The following KIAA1217 variants were observed in gnomAD, a reference collection of about 807,000 sequenced individuals.
KIAA1217 encodes the protein sickle tail protein homolog.
Under a neutral mutation model 163.9 loss-of-function variants are expected in KIAA1217, and 88 were observed. That is an observed-to-expected ratio of 0.54 (90% confidence interval 0.45 to 0.64). The LOEUF (loss-of-function observed/expected upper bound fraction) is 0.64. Among genes scored for constraint, KIAA1217 ranks in the 30% least tolerant of loss-of-function variants. The pLI, the probability that KIAA1217 is intolerant of heterozygous loss-of-function variation, is 0.00. For synonymous variants in KIAA1217, 903 were observed against 923.1 expected (o/e 0.98, Z 0.39); for missense variants, 2,372 against 2,475.0 (o/e 0.96, Z 0.88).
rs1318502993 is a variant in KIAA1217, at chr10:24,497,769, T to C, written c.1834+2573T>C. ...CCTGACTGGCTGATAATTGAGTAGA[T>C]AGTGGTGCCACTGGCTACAATTAGG... is the stretch of plus-strand genomic sequence containing the variant. On this transcript the variant is annotated intron_variant, in intron 8 of 20. Coordinates refer to ENST00000376454, the MANE Select transcript of KIAA1217 (RefSeq NM_019590.5). 9.7e-5 allele frequency among the ~76,000 whole-genome samples: 14 copies of C among 144,068 alleles called. No homozygotes were observed. The East Asian group carries it at 2.4e-3, about 25-fold the overall frequency. The allele number at this position is 144,068 out of a possible 152,430, so 94.5% of individuals were successfully genotyped here.
chr10:24,489,887 G>T (rs952962267), intron 6 of KIAA1217, among the ~76,000 whole-genome samples: 30 of 132,384 alleles, frequency 2.3e-4, no homozygotes, highest in Non-Finnish European at 3.7e-4. Flanking sequence ...AAAAAAAAAG[G>T]TTCTATAAAT....
chr10:24,436,290 A>G (rs539379819), intron 4 of KIAA1217, among the ~76,000 whole-genome samples: 26 of 152,334 alleles, frequency 1.7e-4, no homozygotes, highest in Admixed American at 1.4e-3. Context: ...GAACCTAAAA[A>G]TGTTCAAATG....
intron 1 of KIAA1217, among the ~76,000 whole-genome samples, chr10:23,843,904 T>C (rs1409217962): frequency 6.6e-6 from 1 of 152,152 alleles, no homozygotes; most frequent in East Asian, 1.9e-4. Context: ...TAAATAACCT[T>C]TGATTTAATT....
At chr10:24,360,577 G>A (rs2049840293) in intron 2 of KIAA1217, among the ~76,000 whole-genome samples, 1 of 152,162 alleles carries the variant, frequency 6.6e-6, no homozygotes, top group Non-Finnish European at 1.5e-5. Context: ...CCATTTGGGG[G>A]CATTTGGAGA....
At chr10:23,886,502 G>A (rs569491160) in intron 1 of KIAA1217, among the ~76,000 whole-genome samples, 4 of 151,982 alleles carry the variant, frequency 2.6e-5, no homozygotes, top group Non-Finnish European at 5.9e-5. Context: ...TTTCAGATTA[G>A]GGTATCAGAC....
At chr10:24,332,980 C>T (rs1024187265) in intron 2 of KIAA1217, among the ~76,000 whole-genome samples, 2 of 152,008 alleles carry the variant, frequency 1.3e-5, no homozygotes, top group Middle Eastern at 3.2e-3. Context: ...TAGAAGGTCA[C>T]GTGAAAGGTA....
intron 14 of KIAA1217, among the ~76,000 whole-genome samples, chr10:24,528,464 G>T (rs1181343528): frequency 1.3e-5 from 2 of 151,970 alleles, no homozygotes; most frequent in Non-Finnish European, 2.9e-5. Flanking sequence ...AGCTAGGGCT[G>T]TAGATGTGTA....
rs140228816 is a variant in KIAA1217 at position 23,803,597 on chromosome 10, A to G, written c.-321+108363A>G. Among the ~76,000 whole-genome samples the G allele has an allele frequency of 1.6e-4, 24 of 152,290 alleles. No homozygotes were observed. In the East Asian group the frequency reaches 4.6e-3, roughly 29 times the overall value. On this transcript the variant is annotated intron_variant, in intron 1 of 18. Coordinates refer to the KIAA1217 transcript ENST00000376462. ...GAGTCCTGCTCCCAAGGCACTCCCCAGTGAACATCGTGCAGATGCATTTTG... is the reference window on the plus strand; with the variant it reads ...GAGTCCTGCTCCCAAGGCACTCCCCGGTGAACATCGTGCAGATGCATTTTG...
In KIAA1217 at chr10:24,542,875, C is replaced by T. The variant is rs781764760; in HGVS notation, c.3613-8C>T. 7 of 1,609,696 alleles carry T rather than the reference C, an allele frequency of 4.3e-6. No homozygotes were observed. Among genetic ancestry groups the T allele is most frequent in the Non-Finnish European group, 5.9e-6 (7 of 1,177,428 alleles). ...TGTGTGGTTTCCCTCCTCCGTTCTC[C>T]CTCTCAGGTTACCACAGGGGCTGTA... is the stretch of plus-strand genomic sequence containing the variant. On this transcript the variant is annotated splice_region_variant and splice_polypyrimidine_tract_variant and intron_variant, in intron 18 of 20. Transcript: ENST00000376454.
intron 1 of KIAA1217, among the ~76,000 whole-genome samples, chr10:23,811,303 G>T (rs1837038783): frequency 6.8e-6 from 1 of 146,140 alleles, no homozygotes; most frequent in Non-Finnish European, 1.5e-5. Context: ...TATAGTATGT[G>T]TATATATTAT....
chr10:24,135,497 G>A (rs559762169), intron 2 of KIAA1217, among the ~76,000 whole-genome samples: 1 of 152,056 alleles, frequency 6.6e-6, no homozygotes, highest in South Asian at 2.1e-4. Context: ...GCTCAGGGAG[G>A]CAGAAATAAA....
chr10:24,328,002 C>T (rs536193432), intron 2 of KIAA1217, among the ~76,000 whole-genome samples: 1 of 152,292 alleles, frequency 6.6e-6, no homozygotes, highest in African/African-American at 2.4e-5. Context: ...TTCATGTCAT[C>T]TCTGTGTCTG....
At chr10:23,853,249 T>G (rs1839451856) in intron 1 of KIAA1217, among the ~76,000 whole-genome samples, 1 of 152,226 alleles carries the variant, frequency 6.6e-6, no homozygotes. Context: ...GTCAAAGGCC[T>G]TTTGTGCATC....
intron 1 of KIAA1217, among the ~76,000 whole-genome samples, chr10:23,975,905 A>G (rs1003235463): frequency 1.3e-5 from 2 of 152,058 alleles, no homozygotes; most frequent in African/African-American, 4.8e-5. Flanking sequence ...TTTTTGATCC[A>G]TTGCACCCAT....
At chr10:23,918,150 CTT>C (rs559699322) in intron 1 of KIAA1217, among the ~76,000 whole-genome samples, 3,785 of 115,750 alleles carry the variant, frequency 0.033, 188 homozygotes, top group African/African-American at 0.11. Context: ...GTAGCTGGGA[CTT>C]TTTTTTTTTT....
intron 2 of KIAA1217, among the ~76,000 whole-genome samples, chr10:24,155,137 C>T (rs894265301): frequency 5.3e-5 from 8 of 152,154 alleles, no homozygotes; most frequent in Non-Finnish European, 7.3e-5. Flanking sequence ...ATAAATGTTA[C>T]GGTATATGTA....
Position 24,521,839 on chromosome 10 carries a change from C to T in KIAA1217, c.2366C>T (p.Ala789Val). Residue 789 changes from alanine (A) to valine (V), a missense_variant, in exon 12 of 21, where the codon GCC becomes GTC. Coordinates refer to ENST00000376454, the MANE Select transcript of KIAA1217 (RefSeq NM_019590.5). ...GCCATCCTGCGCATAGAAGTGGAGG[C>T]CGTGCGGTTTCTGAAGGAGGAGCCA... ...MRAILRIEVEAVRFLKEEPHK... is the reference protein window; with the variant it reads ...MRAILRIEVEVVRFLKEEPHK... 1 of 1,613,844 alleles carries T rather than the reference C, an allele frequency of 6.2e-7. No homozygotes were observed. The highest frequency in any genetic ancestry group is 1.1e-5 in the South Asian group (1 of 91,070).
intron 2 of KIAA1217, among the ~76,000 whole-genome samples, chr10:24,196,663 G>C (rs2067004402): frequency 6.6e-6 from 1 of 152,168 alleles, no homozygotes; most frequent in Admixed American, 6.5e-5. Context: ...CGTTCCTGCT[G>C]GTGACAGTTG....
At position 23,751,826 on chromosome 10, in the gene KIAA1217, C is replaced by T. The variant is rs12249059; in HGVS notation, c.-321+56592C>T. On this transcript the variant is annotated intron_variant, in intron 1 of 18. Coordinates refer to the KIAA1217 transcript ENST00000376462. The stretch of plus-strand genomic sequence containing the variant: ...GAAGATATTTGTGACTAATTACAAG[C>T]AGTGTAACCTGGGAGAGAAGCTGTT... 7.0e-3 allele frequency among the ~76,000 whole-genome samples: 1,071 copies of T among 152,214 alleles called. 19 individuals are homozygous for T. Among genetic ancestry groups the T allele is most frequent in the African/African-American group, 0.025 (1,026 of 41,520 alleles).
Sources: allele counts gnomAD v4.1 joint callset (sites outside exome capture counted in the v4.1 genomes callset), GRCh38; gene constraint gnomAD v4.1.1; transcripts MANE v1.5; gene names NCBI Gene and HGNC (gene_info 2026-07-23, HGNC 2026-07-21).